MAMLD1: variants seen among roughly 807,000 people sequenced by gnomAD.
The protein encoded by MAMLD1 is mastermind-like domain-containing protein 1.
MAMLD1 carries 14 observed loss-of-function variants against 45.0 expected under a neutral mutation model. The ratio of observed to expected loss-of-function variants is 0.31; its 90% confidence interval spans 0.21 to 0.49. The LOEUF (loss-of-function observed/expected upper bound fraction) is 0.49. MAMLD1 is among the 20% of genes least tolerant of loss of function. MAMLD1 has a pLI of 0.99. For missense variants in MAMLD1, 543 were observed against 603.6 expected (o/e 0.90, Z 1.05); for synonymous variants, 254 against 247.8 (o/e 1.02, Z -0.24).
At chrX:150,453,004 G>A (rs2035718800) in intron 2 of MAMLD1, among the ~76,000 whole-genome samples, 1 of 110,968 alleles carries the variant, frequency 9.0e-6, no homozygotes, top group Non-Finnish European at 1.9e-5. Context: ...CACTTGCACG[G>A]TTTAGAAATG....
intron 5 of MAMLD1, among the ~76,000 whole-genome samples, chrX:150,482,008 G>GAAAGAA (rs2036820911): frequency 9.4e-6 from 1 of 106,769 alleles, no homozygotes; most frequent in African/African-American, 3.5e-5. Flanking sequence ...AAGAAAGAAA[G>GAAAGAA]AAAGAAAGAA....
At chrX:150,387,110 A>G (rs996046816) in intron 1 of MAMLD1, among the ~76,000 whole-genome samples, 5 of 111,216 alleles carry the variant, frequency 4.5e-5, no homozygotes, top group Admixed American at 3.8e-4. Flanking sequence ...ATTTTCTACA[A>G]TTTTCAACTT....
intron 1 of MAMLD1, among the ~76,000 whole-genome samples, chrX:150,429,360 A>T (rs1557403943): frequency 9.0e-6 from 1 of 110,604 alleles, no homozygotes; most frequent in Non-Finnish European, 1.9e-5. Flanking sequence ...AGTGCTATGT[A>T]GGAAAGGTCC....
intron 1 of MAMLD1, among the ~76,000 whole-genome samples, chrX:150,386,602 A>T (rs1251023807): frequency 8.9e-6 from 1 of 111,999 alleles, no homozygotes; most frequent in Non-Finnish European, 1.9e-5. Flanking sequence ...TTTATTGTCC[A>T]GGCCTTCTTG....
chrX:150,389,135 CTCCAGGGTTCAAG>C (rs1273043745), intron 1 of MAMLD1, among the ~76,000 whole-genome samples: 3 of 111,081 alleles, frequency 2.7e-5, no homozygotes, highest in Non-Finnish European at 5.7e-5. Flanking sequence ...CAACCTCTGC[CTCCAGGGTTCAAG>C]TGATTCTCAT....
intron 5 of MAMLD1, among the ~76,000 whole-genome samples, chrX:150,487,088 G>GGCT (rs781938024): frequency 3.1e-4 from 34 of 111,203 alleles, no homozygotes; most frequent in South Asian, 1.5e-3. Context: ...GATTTCCAGG[G>GGCT]GCTGCTGCTG....
intron 1 of MAMLD1, among the ~76,000 whole-genome samples, chrX:150,368,453 G>C (rs2031697839): frequency 9.2e-6 from 1 of 108,791 alleles, no homozygotes; most frequent in African/African-American, 3.3e-5. Context: ...TGTAGATTCT[G>C]TATATTAGCC....
intron 1 of MAMLD1, among the ~76,000 whole-genome samples, chrX:150,439,161 T>G (rs1784770314): frequency 8.9e-6 from 1 of 112,412 alleles, no homozygotes; most frequent in South Asian, 3.7e-4. Context: ...ATAAATCTAT[T>G]TAAGTCCTTT....
intron 1 of MAMLD1, among the ~76,000 whole-genome samples, chrX:150,401,244 A>G (rs1485125014): frequency 9.2e-6 from 1 of 109,242 alleles, no homozygotes; most frequent in Non-Finnish European, 1.9e-5. Flanking sequence ...AAATCAATGT[A>G]CAAAAATCAC....
In MAMLD1 at chrX:150,510,553, C is replaced by T. The variant is rs1330379163; in HGVS notation, c.*44+507C>T. On this transcript the variant is annotated intron_variant, in intron 7 of 7. Coordinates refer to ENST00000370401, the MANE Select transcript of MAMLD1 (RefSeq NM_005491.5). ...TCCACAGATAGATAGCAGGGGTCCC[C>T]ACCCTACCATGGCAGCTATAAATGT... 7.0e-4 allele frequency among the ~76,000 whole-genome samples: 79 copies of T among 112,369 alleles called. 1 individual carries two copies. Among genetic ancestry groups the T allele is most frequent in the Non-Finnish European group, 4.1e-4 (22 of 53,234 alleles).
intron 1 of MAMLD1, among the ~76,000 whole-genome samples, chrX:150,384,499 A>C (rs2032820532): frequency 8.9e-6 from 1 of 112,041 alleles, no homozygotes; most frequent in South Asian, 3.7e-4. Flanking sequence ...CATTGTTTAT[A>C]TATTCTGAAT....
At position 150,496,208 on chromosome X, in the gene MAMLD1, G is replaced by C. The variant is rs1258865436; in HGVS notation, c.2041-7066G>C. Among the ~76,000 whole-genome samples, 4 of 112,806 alleles carry C rather than the reference G, an allele frequency of 3.5e-5. No homozygotes were observed. In the East Asian group the frequency reaches 8.4e-4, roughly 24 times the overall value. ...CAGGGAGATACTGAGAGAATTTGAG[G>C]CTGGGAAGGCAGGTGGGGGTTGGGG... is the stretch of plus-strand genomic sequence containing the variant. On this transcript the variant is annotated intron_variant, in intron 5 of 7. Transcript: ENST00000370401.
chrX:150,454,434 G>A (rs782255105), intron 2 of MAMLD1, among the ~76,000 whole-genome samples: 25 of 111,590 alleles, frequency 2.2e-4, no homozygotes, highest in African/African-American at 8.1e-4. Flanking sequence ...AAAATGCCTT[G>A]CCCTTTCCTG....
At chrX:150,446,232 C>T (rs182626760) in intron 2 of MAMLD1, among the ~76,000 whole-genome samples, 25 of 112,137 alleles carry the variant, frequency 2.2e-4, no homozygotes, top group African/African-American at 8.1e-4. Context: ...TGCAACACCA[C>T]CAATCTACCA....
chrX:150,397,529 G>T (rs1224936750), intron 1 of MAMLD1, among the ~76,000 whole-genome samples: 6 of 111,178 alleles, frequency 5.4e-5, no homozygotes, highest in African/African-American at 2.0e-4. Context: ...GGTTGTTTGG[G>T]AATATGGAAT....
chrX:150,463,482 T>G (rs1744879249), intron 3 of MAMLD1, among the ~76,000 whole-genome samples: 1 of 112,438 alleles, frequency 8.9e-6, no homozygotes, highest in Non-Finnish European at 1.9e-5. Flanking sequence ...ACCTTGATTC[T>G]TCTCAGGAGA....
At chrX:150,508,687 G>T (rs2037810069) in intron 6 of MAMLD1, among the ~76,000 whole-genome samples, 1 of 112,700 alleles carries the variant, frequency 8.9e-6, no homozygotes, top group Admixed American at 9.3e-5. Flanking sequence ...CCCACTGAGT[G>T]CAGAGAAGGG....
Position 150,484,240 on chromosome X carries a change from G to A in MAMLD1, c.2040+10438G>A, listed in dbSNP as rs2036916073. On this transcript the variant is annotated intron_variant, in intron 5 of 7. Transcript: ENST00000370401. ...AGCACAGATTCTACATTCTTTGTGA[G>A]AATTATCTTTTTAGGTTTTTGTTTT... Among the ~76,000 whole-genome samples the A allele has an allele frequency of 3.5e-5, 4 of 112,810 alleles. No individual in the cohort carries two copies. The South Asian group carries it at 1.5e-3, about 41-fold the overall frequency.
At chrX:150,403,940 A>AAAAAG (rs1557402565) in intron 1 of MAMLD1, among the ~76,000 whole-genome samples, 2 of 58,886 alleles carry the variant, frequency 3.4e-5, no homozygotes, top group South Asian at 2.0e-3. Context: ...AGAAAGAAAG[A>AAAAAG]AAAGAAAGAA....
Sources: allele counts gnomAD v4.1 joint callset (sites outside exome capture counted in the v4.1 genomes callset), GRCh38; gene constraint gnomAD v4.1.1; transcripts MANE v1.5; gene names NCBI Gene and HGNC (gene_info 2026-07-23, HGNC 2026-07-21).